The following PXK variants were observed in gnomAD, a reference collection of about 807,000 sequenced individuals.
The protein encoded by PXK is PX domain containing serine/threonine kinase like.
In PXK, 35 loss-of-function variants were observed where a neutral mutation model predicts 84.7. The observed-to-expected ratio is 0.41, with a 90% CI of 0.32 to 0.55. The LOEUF (loss-of-function observed/expected upper bound fraction) is 0.55. Ranked by LOEUF, PXK falls within the 20% of genes least tolerant of loss-of-function variation. PXK has a pLI of 0.21. For missense variants in PXK, 634 were observed against 699.7 expected, an observed-to-expected ratio of 0.91 and a Z score of 1.06; for synonymous variants, 253 against 260.8, an observed-to-expected ratio of 0.97 and a Z score of 0.29.
At chr3:58,384,763 G>A (rs1424749249) in intron 4 of PXK, among the ~76,000 whole-genome samples, 1 of 152,186 alleles carries the variant, frequency 6.6e-6, no homozygotes, top group African/African-American at 2.4e-5. Context: ...GTGTAATGAT[G>A]CCATTTATTC....
intron 5 of PXK, 85 bp from the exon 6 acceptor site, chr3:58,391,062 A>G (rs1012346233): frequency 2.4e-5 from 24 of 988,224 alleles, no homozygotes; most frequent in Non-Finnish European, 3.6e-5. Context: ...GCCAAACTTA[A>G]TTTTTCTTGA....
At chr3:58,405,187 C>T (rs572186568) in intron 13 of PXK, among the ~76,000 whole-genome samples, 3 of 152,164 alleles carry the variant, frequency 2.0e-5, no homozygotes, top group Admixed American at 6.5e-5. Flanking sequence ...TTGGTTTCCT[C>T]CATGGAAGTA....
rs774891312 is a variant in PXK, at chr3:58,421,675, T to C, written c.1529-3077T>C. On this transcript the variant is annotated intron_variant, in intron 17 of 17. Transcript: ENST00000356151. The surrounding 1 kb of genome is among the most constrained non-coding windows in gnomAD (Gnocchi z 5.5). ...CTGGCATTCCTCCCTAGATCTGACC[T>C]ACGCTCTCCCTGCAGCATTCTCTGC... 14 of 988,262 alleles carry C rather than the reference T, an allele frequency of 1.4e-5. No individual in the cohort carries two copies. The highest frequency in any genetic ancestry group is 1.6e-5 in the Non-Finnish European group (13 of 830,276). The allele number at this position is 988,262 out of a possible 1,614,324, so 61.2% of individuals were successfully genotyped here.
At chr3:58,378,923 T>TAG (rs1559989518) in intron 3 of PXK, among the ~76,000 whole-genome samples, 3 of 150,440 alleles carry the variant, frequency 2.0e-5, no homozygotes, top group East Asian at 2.0e-4. Context: ...ATTATTATTA[T>TAG]TAGTAGTAGT....
chr3:58,353,199 G>A (rs528489228), intron 1 of PXK, among the ~76,000 whole-genome samples: 32 of 152,098 alleles, frequency 2.1e-4, no homozygotes, highest in African/African-American at 7.0e-4. Context: ...GGGTTTCACC[G>A]TGTTAGCCAG....
rs1576876613 is a variant in PXK at position 58,421,216 on chromosome 3, A to C, written c.1529-3536A>C. 1 of 985,312 alleles carries C rather than the reference A, an allele frequency of 1.0e-6. No homozygotes were observed. The allele number at this position is 985,312 out of a possible 1,614,324, so 61.0% of individuals were successfully genotyped here. On this transcript the variant is annotated intron_variant, in intron 17 of 17. Coordinates refer to ENST00000356151, the MANE Select transcript of PXK (RefSeq NM_017771.5). This position sits in a 1 kb window ranked among gnomAD's most constrained non-coding sequence, Gnocchi z 5.5. ...CACTTGGCCTCCCTTCCTGTATGTG[A>C]CCACAAAGGAGCTCAGAATTAGAGA...
At position 58,382,566 on chromosome 3, in the gene PXK, A is replaced by T; in HGVS notation, c.254A>T (p.Asp85Val). 2.5e-6 allele frequency: 4 copies of T among 1,603,734 alleles called. No homozygotes were observed. Among genetic ancestry groups the T allele is most frequent in the Non-Finnish European group, 3.4e-6 (4 of 1,176,746 alleles). ...CCCAAAAAATTGATTGGTAACATGG[A>T]TCGTGAATTCATAGCTGAAAGGCAG... ...LPPKKLIGNMDREFIAERQKG... is the reference protein window; with the variant it reads ...LPPKKLIGNMVREFIAERQKG... Residue 85 changes from aspartate (D) to valine (V), a missense_variant, in exon 4 of 18, where the codon GAT becomes GTT. Asp to Val is a radical substitution (Grantham distance 152). This residue lies in a region of PXK where 353 missense variants were observed against 385.2 expected (regional missense o/e 0.92). Coordinates refer to ENST00000356151, the MANE Select transcript of PXK (RefSeq NM_017771.5).
At chr3:58,376,545 G>A (rs1213347757) in intron 3 of PXK, among the ~76,000 whole-genome samples, 14 of 152,226 alleles carry the variant, frequency 9.2e-5, no homozygotes, top group Admixed American at 5.2e-4. Flanking sequence ...ATACACACAC[G>A]TAAATGAGAT....
chr3:58,348,063 G>A (rs965547574), intron 1 of PXK, among the ~76,000 whole-genome samples: 13 of 152,180 alleles, frequency 8.5e-5, no homozygotes, highest in East Asian at 1.9e-4. Flanking sequence ...GCGTGAGACC[G>A]TGCCCGGCTA....
Position 58,379,865 on chromosome 3 carries a change from T to C in PXK, c.202-2649T>C, listed in dbSNP as rs1181904233. Among the ~76,000 whole-genome samples the C allele has an allele frequency of 6.6e-6, 1 of 151,956 alleles. No homozygotes were observed. Among genetic ancestry groups the C allele is most frequent in the South Asian group, 2.1e-4 (1 of 4,818 alleles). On this transcript the variant is annotated intron_variant, in intron 3 of 17. Transcript: ENST00000356151. The surrounding 1 kb of genome is among the most constrained non-coding windows in gnomAD (Gnocchi z 5.1). Reference sequence around the variant, plus strand: ...CCCAGCTACAGGTGTGTACCACTTGTAGAGGCTGAGGTGACAGGATTGCTT... The same window carrying C: ...CCCAGCTACAGGTGTGTACCACTTGCAGAGGCTGAGGTGACAGGATTGCTT...
At chr3:58,372,316 A>G (rs1451809201) in intron 3 of PXK, among the ~76,000 whole-genome samples, 2 of 151,964 alleles carry the variant, frequency 1.3e-5, no homozygotes, top group Non-Finnish European at 2.9e-5. Context: ...AAAAACAGAA[A>G]AAAGCTGCTT....
In PXK at chr3:58,357,840, C is replaced by T. The variant is rs187044083; in HGVS notation, c.103-8034C>T. Among the ~76,000 whole-genome samples, 630 of 152,188 alleles carry T rather than the reference C, an allele frequency of 4.1e-3. 6 individuals are homozygous for T. The highest frequency in any genetic ancestry group is 0.014 in the African/African-American group (577 of 41,504). On this transcript the variant is annotated intron_variant, in intron 1 of 17. Transcript: ENST00000356151. ...TGGTGGGCACCTGTAATCCCAGCTA[C>T]TTGGGAAGCTGAGGCAGGAGAATTA...
At chr3:58,336,057 ATATATATATATATATTTTTTTTTTTT>A (rs1295580399) in intron 1 of PXK, among the ~76,000 whole-genome samples, 6 of 54,696 alleles carry the variant, frequency 1.1e-4, no homozygotes, top group African/African-American at 7.0e-4. Context: ...ATATATATAT[ATATATATATATATATTTTTTTTTTTT>A]TTTTTTAATA....
chr3:58,332,994 CT>C lies in PXK; in HGVS notation c.8del (p.Phe3SerfsTer18). On this transcript the variant is annotated frameshift_variant, in exon 1 of 18. Coordinates refer to ENST00000356151, the MANE Select transcript of PXK (RefSeq NM_017771.5). LOFTEE classifies it high-confidence loss of function. This position sits in a 1 kb window ranked among gnomAD's most constrained non-coding sequence, Gnocchi z 5.6. MA[F>X]MEKPPAGKVL... is the part of the protein sequence containing the mutation. ...CGGCGGCCGGGCGTCCCGGGATGGC[CT>C]TCATGGAGAAGCCGCCAGCCGGCAA... 1 of 1,367,396 alleles carries C rather than the reference CT, an allele frequency of 7.3e-7. No individual in the cohort carries two copies. The highest frequency in any genetic ancestry group is 9.5e-7 in the Non-Finnish European group (1 of 1,047,646). The allele number at this position is 1,367,396 out of a possible 1,614,324, so 84.7% of individuals were successfully genotyped here. A position where few individuals can be genotyped will look rare whatever the true frequency, so the allele number is the denominator to read the frequency against.
chr3:58,338,316 C>CA (rs538241350), intron 1 of PXK, among the ~76,000 whole-genome samples: 252 of 94,892 alleles, frequency 2.7e-3, no homozygotes, highest in Admixed American at 4.5e-3. Flanking sequence ...CTCTCCGTCT[C>CA]AAAAAAAAAA....
intron 13 of PXK, 40 bp downstream of exon 13, chr3:58,403,950 T>C (rs752999989): frequency 1.5e-6 from 2 of 1,353,922 alleles, no homozygotes; most frequent in Non-Finnish European, 2.0e-6. Context: ...GTGACATAAC[T>C]AAGTTGACTT....
At position 58,364,249 on chromosome 3, in the gene PXK, A is replaced by G. The variant is rs1559933718; in HGVS notation, c.103-1625A>G. Among the ~76,000 whole-genome samples the G allele has an allele frequency of 6.6e-6, 1 of 152,134 alleles. No homozygotes were observed. The highest frequency in any genetic ancestry group is 2.4e-5 in the African/African-American group (1 of 41,422). ...GACCTGGGTAATACTAGCTTCATCA[A>G]GTGAATTGGGAAGTGTTCCTTCCTC... On this transcript the variant is annotated intron_variant, in intron 1 of 17. Coordinates refer to ENST00000356151, the MANE Select transcript of PXK (RefSeq NM_017771.5). The surrounding 1 kb of genome is among the most constrained non-coding windows in gnomAD (Gnocchi z 4.3).
intron 1 of PXK, among the ~76,000 whole-genome samples, chr3:58,339,814 G>T (rs1027872463): frequency 6.7e-6 from 1 of 149,364 alleles, no homozygotes; most frequent in African/African-American, 2.5e-5. Context: ...TCAATATATA[G>T]ATTTTTTTTT....
At chr3:58,387,310 A>G (rs1394496437) in intron 4 of PXK, among the ~76,000 whole-genome samples, 3 of 152,234 alleles carry the variant, frequency 2.0e-5, no homozygotes, top group Admixed American at 2.0e-4. Context: ...TTCATGTTCT[A>G]ATGGGAGAGA....
Sources: allele counts gnomAD v4.1 joint callset (sites outside exome capture counted in the v4.1 genomes callset), GRCh38; gene constraint gnomAD v4.1.1; regional missense constraint gnomAD v4.1.1; non-coding constraint Gnocchi (gnomAD v3.1); transcripts MANE v1.5; gene names NCBI Gene and HGNC (gene_info 2026-07-23, HGNC 2026-07-21).